The following SLC15A4 variants were observed in gnomAD, a reference collection of about 807,000 sequenced individuals.
SLC15A4 encodes the protein solute carrier family 15 member 4, also known as hPHT1.
SLC15A4 carries 26 observed loss-of-function variants against 46.1 expected under a neutral mutation model. The ratio of observed to expected loss-of-function variants is 0.56; its 90% CI spans 0.41 to 0.78. The LOEUF (loss-of-function observed/expected upper bound fraction) is 0.78. Among genes scored for constraint, SLC15A4 ranks in the 30% least tolerant of loss-of-function variants. The pLI is 0.00. For synonymous variants in SLC15A4, 370 were observed against 333.4 expected, an observed-to-expected ratio of 1.11 and a Z score of -1.20; for missense variants, 751 against 755.7, an observed-to-expected ratio of 0.99 and a Z score of 0.07.
chr12:128,800,762 T>C lies in SLC15A4; in HGVS notation c.1414+92A>G, dbSNP rs1328595205. ...AAACTACAGAAGTGCTGTGCTATCC[T>C]TGTCTCAACATATTCCAACAGCACA... On this transcript the variant is annotated intron_variant, in intron 6 of 7. Transcript: ENST00000266771. 3.7e-6 allele frequency: 5 copies of C among 1,345,270 alleles called. No homozygotes were observed. The East Asian group carries it at 1.2e-4, about 33-fold the overall frequency. 83.3% of individuals were successfully genotyped at this position (1,345,270 alleles called of 1,614,324 possible).
At chr12:128,822,572 C>CA (rs1420078688) in intron 1 of SLC15A4, among the ~76,000 whole-genome samples, 5 of 152,128 alleles carry the variant, frequency 3.3e-5, no homozygotes, top group East Asian at 1.9e-4. Flanking sequence ...TATTTGGAGA[C>CA]AGAGTCTCGC....
At chr12:128,819,209 A>C (rs990674940) in intron 1 of SLC15A4, among the ~76,000 whole-genome samples, 1 of 151,870 alleles carries the variant, frequency 6.6e-6, no homozygotes. Context: ...TTCGAGACCA[A>C]CCTGGCCAAC....
At position 128,794,078 on chromosome 12, in the gene SLC15A4, A is replaced by G. The variant is rs765501259; in HGVS notation, c.*118T>C. 2 of 1,038,240 alleles carry G rather than the reference A, an allele frequency of 1.9e-6. No individual in the cohort carries two copies. The highest frequency in any genetic ancestry group is 2.8e-6 in the Non-Finnish European group (2 of 712,336). 64.3% of individuals were successfully genotyped at this position (1,038,240 alleles called of 1,614,324 possible). On this transcript the variant is annotated 3_prime_UTR_variant, in exon 8 of 8. Coordinates refer to ENST00000266771, the MANE Select transcript of SLC15A4 (RefSeq NM_145648.4). ...GAAAGAAGAAATCAATCCAGGCAAC[A>G]TGCAAGTTTCAGTGAAGTCAGACAT...
At chr12:128,820,812 A>C (rs907028622) in intron 1 of SLC15A4, among the ~76,000 whole-genome samples, 1 of 152,220 alleles carries the variant, frequency 6.6e-6, no homozygotes, top group African/African-American at 2.4e-5. Flanking sequence ...ACTTAGGCAA[A>C]AGCCTAAGAG....
At chr12:128,804,586 C>T (rs550611642) in intron 5 of SLC15A4, among the ~76,000 whole-genome samples, 40 of 152,204 alleles carry the variant, frequency 2.6e-4, no homozygotes, top group African/African-American at 6.0e-4. Flanking sequence ...AAAAATTAGC[C>T]GGGCATGGTG....
chr12:128,807,778 G>A (rs573645365), intron 5 of SLC15A4, among the ~76,000 whole-genome samples: 3 of 152,310 alleles, frequency 2.0e-5, no homozygotes, highest in South Asian at 4.1e-4. Flanking sequence ...ATTCAGACAC[G>A]ACCTCACTTT....
chr12:128,815,086 G>A lies in SLC15A4; in HGVS notation c.547-16C>T, dbSNP rs1251909034. On this transcript the variant is annotated splice_polypyrimidine_tract_variant and intron_variant, in intron 1 of 7. Coordinates refer to ENST00000266771, the MANE Select transcript of SLC15A4 (RefSeq NM_145648.4). ...GATCTTTAACCTAAAATAACAGGGA[G>A]GAAAGACACTTGAAAATATATGACA... The A allele has an allele frequency of 1.9e-6, 3 of 1,600,148 alleles. No homozygotes were observed. The highest frequency in any genetic ancestry group is 2.2e-5 in the East Asian group (1 of 44,546).
At chr12:128,804,601 G>C (rs1222142801) in intron 5 of SLC15A4, among the ~76,000 whole-genome samples, 1 of 152,116 alleles carries the variant, frequency 6.6e-6, no homozygotes, top group Non-Finnish European at 1.5e-5. Context: ...ATGGTGGCAG[G>C]CGCCTGTAAT....
At chr12:128,815,435 T>C (rs10744390) in intron 1 of SLC15A4, 149,221 of 215,880 alleles carry the variant, frequency 0.69, 52,193 homozygotes, top group East Asian at 0.76. Flanking sequence ...CCTATAATCC[T>C]AGCACTTTGG....
At position 128,823,749 on chromosome 12, in the gene SLC15A4, C is replaced by T; in HGVS notation, c.195G>A (p.Ala65=). The change falls in exon 1 of 8, where the codon GCG becomes GCA. Residue 65 remains alanine, a synonymous_variant. Coordinates refer to ENST00000266771, the MANE Select transcript of SLC15A4 (RefSeq NM_145648.4). Reference sequence around the variant, plus strand: ...CCTGCGCGCCCTCCCAGCAGAACGGCGCCCCGTTCAGGAATAGCACCAGGT... The same window carrying T: ...CCTGCGCGCCCTCCCAGCAGAACGGTGCCCCGTTCAGGAATAGCACCAGGT... ...TSNLVLFLNG[A]PFCWEGAQAS... The T allele has an allele frequency of 6.5e-7, 1 of 1,537,366 alleles. No homozygotes were observed. Among genetic ancestry groups the T allele is most frequent in the East Asian group, 2.6e-5 (1 of 38,710 alleles).
At chr12:128,802,053 A>C (rs1955524100) in intron 5 of SLC15A4, among the ~76,000 whole-genome samples, 1 of 152,208 alleles carries the variant, frequency 6.6e-6, no homozygotes, top group African/African-American at 2.4e-5. Flanking sequence ...CCTTCGAGCC[A>C]ACCCACAGCT....
chr12:128,809,865 T>C (rs1376283542), intron 3 of SLC15A4, 78 bp downstream of exon 3: 5 of 1,451,584 alleles, frequency 3.4e-6, no homozygotes, highest in Non-Finnish European at 4.6e-6. Flanking sequence ...CTACCTACTT[T>C]AGAAATGGCC....
At position 128,799,276 on chromosome 12, in the gene SLC15A4, C is replaced by T. The variant is rs1955485594; in HGVS notation, c.1556G>A (p.Ser519Asn). The change falls in exon 7 of 8, where the codon AGC (serine) becomes AAC (asparagine). Residue 519 changes from serine (S) to asparagine (N), a missense_variant. Coordinates refer to ENST00000266771, the MANE Select transcript of SLC15A4 (RefSeq NM_145648.4). ...LVSIKAIGWM[S>N]SHTDFGNING... ...GCTCTTACCAAAGTCTGTGTGACTG[C>T]TCATCCATCCGATGGCTTTGATAGA... 3.1e-6 allele frequency: 5 copies of T among 1,614,176 alleles called. No homozygotes were observed. The highest frequency in any genetic ancestry group is 4.2e-6 in the Non-Finnish European group (5 of 1,180,032).
chr12:128,809,333 A>G, intron 4 of SLC15A4, 63 bp downstream of exon 4: 1 of 1,032,412 alleles, frequency 9.7e-7, no homozygotes, highest in Admixed American at 2.3e-5. Context: ...CAGTTGGTAG[A>G]AGGAATCCAT....
intron 2 of SLC15A4, chr12:128,814,192 G>GCCGTATGATGGACCTGACCA (rs1317781699): frequency 0.017 from 1,941 of 111,960 alleles, 29 homozygotes; most frequent in Non-Finnish European, 0.027. Flanking sequence ...AGACCTGACC[G>GCCGTATGATGGACCTGACCA]CCGTATGATG....
intron 5 of SLC15A4, among the ~76,000 whole-genome samples, chr12:128,805,518 T>C (rs1352938043): frequency 1.3e-5 from 2 of 152,154 alleles, no homozygotes. Flanking sequence ...CAAGATTCCA[T>C]AAATAAAATT....
At chr12:128,799,520 G>C in intron 6 of SLC15A4, 103 bp from the exon 7 acceptor site, 1 of 1,274,118 alleles carries the variant, frequency 7.8e-7, no homozygotes, top group Non-Finnish European at 1.1e-6. Context: ...GGTCTCCTAG[G>C]GACTGAGTCC....
At chr12:128,796,202 T>C (rs1955440035) in intron 7 of SLC15A4, among the ~76,000 whole-genome samples, 1 of 151,992 alleles carries the variant, frequency 6.6e-6, no homozygotes, top group Non-Finnish European at 1.5e-5. Flanking sequence ...AGGTGGGTGA[T>C]CAACTGAGGT....
At position 128,823,479 on chromosome 12, in the gene SLC15A4, C is replaced by T. The variant is rs1955880540; in HGVS notation, c.465G>A (p.Pro155=). 5 of 1,484,456 alleles carry T rather than the reference C, an allele frequency of 3.4e-6. No individual in the cohort carries two copies. Among genetic ancestry groups the T allele is most frequent in the African/African-American group, 2.9e-5 (2 of 68,454 alleles). The allele number at this position is 1,484,456 out of a possible 1,614,324, so 92.0% of individuals were successfully genotyped here. A position where few individuals can be genotyped will look rare whatever the true frequency, so the allele number is the denominator to read the frequency against. Residue 155 remains proline, a synonymous_variant, in exon 1 of 8, where the codon CCG becomes CCA. Transcript: ENST00000266771. ...CCAGCACCAGCCCCGCGAAGGTGGC[C>T]GGTGAGCAGCAGCGGGCGGCGGCGT... ...GPDAAARCCS[P]ATFAGLVLVG...
Sources: gnomAD v4.1 joint callset for allele counts (sites outside exome capture counted in the v4.1 genomes callset) on GRCh38, gnomAD v4.1.1 for gene constraint, MANE v1.5 for transcripts, NCBI Gene and HGNC (gene_info 2026-07-23, HGNC 2026-07-21) for gene names.